The following BCKDHB variants were observed in gnomAD, a reference collection of about 807,000 sequenced individuals.
The protein encoded by BCKDHB is 2-oxoisovalerate dehydrogenase subunit beta, mitochondrial.
A neutral mutation model predicts 48.5 loss-of-function variants in BCKDHB; 41 were observed. The observed-to-expected ratio is 0.85, with a 90% CI of 0.66 to 1.10. The LOEUF (loss-of-function observed/expected upper bound fraction) is 1.10. Ranked by LOEUF, BCKDHB falls within the 50% of genes least tolerant of loss-of-function variation. The pLI, the probability that BCKDHB is intolerant of heterozygous loss-of-function variation, is 0.00. For synonymous variants in BCKDHB, 201 were observed against 174.8 expected (o/e 1.15, Z -1.18); for missense variants, 496 against 494.2 (o/e 1.00, Z -0.03).
At chr6:80,424,311 G>A in the BCKDHB span, among the ~76,000 whole-genome samples, 1 of 152,140 alleles carries the variant, frequency 6.6e-6, no homozygotes, top group Admixed American at 6.6e-5. Flanking sequence ...AAACTTCAAA[G>A]CACGCTTTTA....
chr6:80,250,224 G>C (rs570378234), intron 8 of BCKDHB, among the ~76,000 whole-genome samples: 1 of 152,010 alleles, frequency 6.6e-6, no homozygotes, highest in South Asian at 2.1e-4. Context: ...AAGCCTAGGA[G>C]TTTAGATCAG....
At chr6:80,192,424 G>T (rs1773941566) in intron 6 of BCKDHB, among the ~76,000 whole-genome samples, 1 of 151,802 alleles carries the variant, frequency 6.6e-6, no homozygotes, top group Admixed American at 6.6e-5. Context: ...TTCTATATGT[G>T]TAGCTCCTTG....
At chr6:80,267,417 G>T (rs1235952351) in intron 8 of BCKDHB, among the ~76,000 whole-genome samples, 2 of 152,120 alleles carry the variant, frequency 1.3e-5, no homozygotes, top group African/African-American at 4.8e-5. Flanking sequence ...AAGGAGGAAA[G>T]GTACCATGGG....
chr6:80,449,691 G>A, the BCKDHB span, among the ~76,000 whole-genome samples: 1 of 152,162 alleles, frequency 6.6e-6, no homozygotes, highest in Non-Finnish European at 1.5e-5. Flanking sequence ...ATGTCTGGTT[G>A]TCCCACTCTT....
At position 80,343,795 on chromosome 6, in the gene BCKDHB, C is replaced by G. The variant is rs1306038232; in HGVS notation, c.1170C>G (p.Ile390Met). Reference sequence around the variant, plus strand: ...GTTATGATGCCCTTCGAAAAATGATCAACTATTGACCATATAGGTAGGTAT... The same window carrying G: ...GTTATGATGCCCTTCGAAAAATGATGAACTATTGACCATATAGGTAGGTAT... ...WKCYDALRKM[I>M]NY Residue 390 changes from isoleucine to methionine, a missense_variant, in exon 10 of 10, where the codon ATC (isoleucine) becomes ATG (methionine). Physicochemically the swap from Ile to Met is conservative, Grantham distance 10 (BLOSUM62 1). Coordinates refer to ENST00000320393, the MANE Select transcript of BCKDHB (RefSeq NM_183050.4). The G allele has an allele frequency of 1.9e-6, 3 of 1,613,748 alleles. No homozygotes were observed. Among genetic ancestry groups the G allele is most frequent in the Non-Finnish European group, 2.5e-6 (3 of 1,179,950 alleles).
intron 9 of BCKDHB, among the ~76,000 whole-genome samples, chr6:80,314,699 C>T (rs926030849): frequency 1.3e-5 from 2 of 151,924 alleles, no homozygotes; most frequent in African/African-American, 2.4e-5. Flanking sequence ...ACCGCTGAGT[C>T]GTCAAAACAA....
intron 9 of BCKDHB, among the ~76,000 whole-genome samples, chr6:80,329,881 C>A (rs1281809343): frequency 6.6e-6 from 1 of 152,154 alleles, no homozygotes; most frequent in Non-Finnish European, 1.5e-5. Flanking sequence ...TCCTCAAACA[C>A]CTTCCCCCAA....
intron 1 of BCKDHB, among the ~76,000 whole-genome samples, chr6:80,124,120 T>A (rs1022725150): frequency 2.6e-5 from 4 of 152,184 alleles, no homozygotes; most frequent in African/African-American, 4.8e-5. Context: ...TTCAAAGAAC[T>A]TCTTTATTTC....
the BCKDHB span, among the ~76,000 whole-genome samples, chr6:80,412,676 T>A: frequency 6.6e-6 from 1 of 152,200 alleles, no homozygotes; most frequent in African/African-American, 2.4e-5. Context: ...TTAACTTGAA[T>A]AATTCCCTTT....
At chr6:80,360,398 T>C in the BCKDHB span, among the ~76,000 whole-genome samples, 1 of 152,218 alleles carries the variant, frequency 6.6e-6, no homozygotes, top group Non-Finnish European at 1.5e-5. Context: ...TCCTGACTTA[T>C]TCATCACCGT....
chr6:80,327,258 C>A (rs1259046353), intron 9 of BCKDHB, among the ~76,000 whole-genome samples: 2 of 152,084 alleles, frequency 1.3e-5, no homozygotes, highest in African/African-American at 2.4e-5. Flanking sequence ...TACAGTTGGG[C>A]AAAATCATCT....
intron 8 of BCKDHB, among the ~76,000 whole-genome samples, chr6:80,222,517 T>C (rs1775503626): frequency 6.6e-6 from 1 of 152,174 alleles, no homozygotes; most frequent in Non-Finnish European, 1.5e-5. Flanking sequence ...TTTCCCTGGA[T>C]GGATCTAAGA....
the BCKDHB span, among the ~76,000 whole-genome samples, chr6:80,409,138 G>T: frequency 6.6e-6 from 1 of 152,152 alleles, no homozygotes; most frequent in South Asian, 2.1e-4. Context: ...TTACCCATTA[G>T]TCATTCAGGA....
chr6:80,247,513 G>A (rs1273925644), intron 8 of BCKDHB, among the ~76,000 whole-genome samples: 5 of 152,318 alleles, frequency 3.3e-5, no homozygotes, highest in African/African-American at 1.2e-4. Flanking sequence ...AACATTAGAT[G>A]TAGAAGGGAA....
At chr6:80,411,757 G>A in the BCKDHB span, among the ~76,000 whole-genome samples, 1 of 152,244 alleles carries the variant, frequency 6.6e-6, no homozygotes, top group African/African-American at 2.4e-5. Context: ...CTGTGGGCGT[G>A]TGACCCACTA....
At position 80,273,208 on chromosome 6, in the gene BCKDHB, G is replaced by C. The variant is rs759040971; in HGVS notation, c.1025G>C (p.Ser342Thr). The change falls in exon 9 of 10, where the codon AGC (serine) becomes ACC (threonine). Residue 342 changes from serine to threonine, a missense_variant. Ser to Thr is a moderately conservative substitution (Grantham distance 58). Coordinates refer to ENST00000320393, the MANE Select transcript of BCKDHB (RefSeq NM_183050.4). ...ACAGGCGGCTTTGCATCGGAAATCA[G>C]CTCTACAGTTCAGGTAGAGTAATTT... ...PLTGGFASEI[S>T]STVQEECFLN... 3.7e-6 allele frequency: 6 copies of C among 1,613,314 alleles called. No individual in the cohort carries two copies. In the African/African-American group the frequency reaches 5.3e-5, roughly 14 times the overall value.
the BCKDHB span, among the ~76,000 whole-genome samples, chr6:80,370,818 A>ATGTGTG: frequency 2.8e-4 from 41 of 146,148 alleles, no homozygotes; most frequent in African/African-American, 8.2e-4. Context: ...GTATATATAT[A>ATGTGTG]TGTGTGTGTG....
chr6:80,162,917 CTT>C (rs1772389483), intron 3 of BCKDHB, among the ~76,000 whole-genome samples: 1 of 151,540 alleles, frequency 6.6e-6, no homozygotes, highest in African/African-American at 2.4e-5. Context: ...TTTCTCTTCT[CTT>C]CTCTCTCTCT....
intron 9 of BCKDHB, among the ~76,000 whole-genome samples, chr6:80,291,394 A>G (rs1766905754): frequency 6.6e-6 from 1 of 152,228 alleles, no homozygotes; most frequent in South Asian, 2.1e-4. Flanking sequence ...GAGTTCTGAC[A>G]GAATGTGATA....
Sources: gnomAD v4.1 joint callset for allele counts (sites outside exome capture counted in the v4.1 genomes callset) on GRCh38, gnomAD v4.1.1 for gene constraint, MANE v1.5 for transcripts, NCBI Gene and HGNC (gene_info 2026-07-23, HGNC 2026-07-21) for gene names.